EFTUD2: variants seen among roughly 807,000 people sequenced by gnomAD.
The protein encoded by EFTUD2 is elongation factor Tu GTP binding domain containing 2.
EFTUD2 carries 9 observed loss-of-function variants against 114.3 expected under a neutral mutation model. The ratio of observed to expected loss-of-function variants is 0.08; its 90% confidence interval spans 0.05 to 0.14. The LOEUF (loss-of-function observed/expected upper bound fraction) is 0.14, where lower values mean the gene tolerates loss of function less well. Among genes scored for constraint, EFTUD2 ranks in the 10% least tolerant of loss-of-function variants. The pLI is 1.00. For missense variants in EFTUD2, 765 were observed against 1,241.2 expected (o/e 0.62, Z 5.76); for synonymous variants, 449 against 462.3 (o/e 0.97, Z 0.37).
chr17:44,867,942 T>C, intron 12 of EFTUD2, 45 bp from the exon 13 acceptor site: 4 of 1,510,726 alleles, frequency 2.6e-6, no homozygotes, highest in Non-Finnish European at 3.6e-6. Flanking sequence ...GAAAAGGCAC[T>C]ATCACTGATC....
chr17:44,860,593 TA>T, intron 16 of EFTUD2, 50 bp from the exon 17 acceptor site: 4 of 955,024 alleles, frequency 4.2e-6, no homozygotes, highest in Non-Finnish European at 6.4e-6. Flanking sequence ...GAGCATTCCC[TA>T]ATTTTTTTTT....
At chr17:44,859,475 A>G (rs772821886) in intron 18 of EFTUD2, 2 of 521,564 alleles carry the variant, frequency 3.8e-6, no homozygotes, top group Non-Finnish European at 6.9e-6. Context: ...CTAGCCCTTT[A>G]GCCCTCCTGG....
chr17:44,880,683 C>A, intron 7 of EFTUD2, 39 bp from the exon 8 acceptor site: 1 of 1,537,524 alleles, frequency 6.5e-7, no homozygotes. Context: ...TCTTCCTATG[C>A]AAGAGGGGTT....
chr17:44,860,360 C>T (rs2050633367), intron 17 of EFTUD2, 72 bp downstream of exon 17: 4 of 1,067,490 alleles, frequency 3.7e-6, no homozygotes, highest in African/African-American at 3.1e-5. Flanking sequence ...GGATTAGTCC[C>T]GTTTGTGCTC....
rs2050940594 is a variant in EFTUD2, at chr17:44,875,967, C to T, written c.836G>A (p.Arg279His). Residue 279 changes from arginine to histidine, a missense_variant, in exon 10 of 28, where the codon CGC becomes CAC. This residue lies in a region of EFTUD2 where 251 missense variants were observed against 357.7 expected (regional missense o/e 0.70). Coordinates refer to ENST00000426333, the MANE Select transcript of EFTUD2 (RefSeq NM_004247.4). Reference protein sequence around the residue: ...LPPTDAYYKLRHIVDEVNGLI... With the variant: ...LPPTDAYYKLHHIVDEVNGLI... Reference sequence around the variant, plus strand: ...TCCATTGACCTCATCCACAATGTGGCGCAGCTTGTAATAAGCATCAGTTGG... The same window carrying T: ...TCCATTGACCTCATCCACAATGTGGTGCAGCTTGTAATAAGCATCAGTTGG... 1 of 1,613,888 alleles carries T rather than the reference C, an allele frequency of 6.2e-7. No homozygotes were observed. The highest frequency in any genetic ancestry group is 8.5e-7 in the Non-Finnish European group (1 of 1,180,030).
intron 1 of EFTUD2, among the ~76,000 whole-genome samples, chr17:44,897,098 C>A (rs2051400824): frequency 6.6e-6 from 1 of 151,752 alleles, no homozygotes. Context: ...CGCCCGTAGT[C>A]CCAGCTACTG....
chr17:44,853,239 G>A, intron 25 of EFTUD2, 57 bp downstream of exon 25: 1 of 1,561,044 alleles, frequency 6.4e-7, no homozygotes, highest in Non-Finnish European at 8.8e-7. Flanking sequence ...GAGCCGAGGT[G>A]ACTCTTGTTC....
At chr17:44,897,093 G>A (rs963679918) in intron 1 of EFTUD2, among the ~76,000 whole-genome samples, 18 of 151,840 alleles carry the variant, frequency 1.2e-4, no homozygotes, top group African/African-American at 4.1e-4. Flanking sequence ...GTGGGCGCCC[G>A]TAGTCCCAGC....
chr17:44,899,264 C>T (rs2145599159), intron 1 of EFTUD2, 105 bp downstream of exon 1: 1 of 152,338 alleles, frequency 6.6e-6, no homozygotes, highest in Middle Eastern at 3.4e-3. Flanking sequence ...ATCCGTAAAG[C>T]GAAAGGGGCC....
rs1453017675 is a variant in EFTUD2 at position 44,853,652 on chromosome 17, G to A, written c.2348-17C>T. On this transcript the variant is annotated splice_polypyrimidine_tract_variant and intron_variant, in intron 23 of 27. Coordinates refer to ENST00000426333, the MANE Select transcript of EFTUD2 (RefSeq NM_004247.4). ...TCCGAATCACTGTAAAGGAGGTGGA[G>A]GGAGTGACTGGGGAGAGGTTCTGGG... 5 of 1,612,900 alleles carry A rather than the reference G, an allele frequency of 3.1e-6. No individual in the cohort carries two copies. In the African/African-American group the frequency reaches 5.3e-5, roughly 17 times the overall value.
intron 2 of EFTUD2, among the ~76,000 whole-genome samples, chr17:44,890,212 G>A (rs991032059): frequency 1.3e-5 from 2 of 151,328 alleles, no homozygotes; most frequent in Admixed American, 1.3e-4. Flanking sequence ...TAGAGACAGG[G>A]TTTCATCACG....
intron 8 of EFTUD2, 149 bp from the exon 9 acceptor site, chr17:44,879,787 C>T (rs959303781): frequency 4.1e-6 from 3 of 729,174 alleles, no homozygotes. Flanking sequence ...GTAAAAATAT[C>T]CCCCATTAGT....
chr17:44,886,570 G>GTCCTCCTGATGTACC lies in EFTUD2; in HGVS notation c.271_271+14dup. Reference sequence around the variant, plus strand: ...TTCAATTTCACTCCGCACAGCCCATGTCCTCCTGATGTACCTGTGAGAGGC... The same window carrying GTCCTCCTGATGTACC: ...TTCAATTTCACTCCGCACAGCCCATGTCCTCCTGATGTACCTCCTCCTGATGTACCTGTGAGAGGC... On this transcript the variant is annotated intron_variant, in intron 3 of 27. Coordinates refer to ENST00000426333, the MANE Select transcript of EFTUD2 (RefSeq NM_004247.4). 1 of 1,614,030 alleles carries GTCCTCCTGATGTACC rather than the reference G, an allele frequency of 6.2e-7. No homozygotes were observed.
At chr17:44,862,435 AAAAC>A (rs2050674815) in intron 16 of EFTUD2, among the ~76,000 whole-genome samples, 1 of 152,090 alleles carries the variant, frequency 6.6e-6, no homozygotes, top group Non-Finnish European at 1.5e-5. Context: ...ACCCTGTCTC[AAAAC>A]AAACAAATAG....
At chr17:44,882,192 C>T (rs986143150) in intron 6 of EFTUD2, among the ~76,000 whole-genome samples, 1 of 152,126 alleles carries the variant, frequency 6.6e-6, no homozygotes, top group Non-Finnish European at 1.5e-5. Flanking sequence ...GCTCAGCCTC[C>T]CAAAGTGCTG....
chr17:44,860,311 A>T, intron 17 of EFTUD2, 121 bp downstream of exon 17: 1 of 807,246 alleles, frequency 1.2e-6, no homozygotes, highest in Non-Finnish European at 2.1e-6. Context: ...GGTCATATCT[A>T]GAAGGCTAAG....
rs1251873670 is a variant in EFTUD2, at chr17:44,851,234, G to T, written c.*40C>A. 3 of 1,526,100 alleles carry T rather than the reference G, an allele frequency of 2.0e-6. No homozygotes were observed. Among genetic ancestry groups the T allele is most frequent in the East Asian group, 2.3e-5 (1 of 44,406 alleles). 94.5% of individuals were successfully genotyped at this position (1,526,100 alleles called of 1,614,324 possible). A position where few individuals can be genotyped will look rare whatever the true frequency, so the allele number is the denominator to read the frequency against. On this transcript the variant is annotated 3_prime_UTR_variant, in exon 28 of 28. Coordinates refer to ENST00000426333, the MANE Select transcript of EFTUD2 (RefSeq NM_004247.4). ...CTCAGCTTCAAGTACAGGAGTTGCA[G>T]CCCACTGTAGGGAGCAGGAGCTCCC...
rs1018159032 is a variant in EFTUD2, at chr17:44,890,239, C to T, written c.106-3489G>A. Among the ~76,000 whole-genome samples the T allele has an allele frequency of 4.0e-5, 6 of 151,438 alleles. No homozygotes were observed. In the East Asian group the frequency reaches 7.9e-4, roughly 20 times the overall value. Reference sequence around the variant, plus strand: ...TTCATCACGTTGGCCAGACTGGTCTCGAACTCTTGACCTCAGGTCATCTGC... The same window carrying T: ...TTCATCACGTTGGCCAGACTGGTCTTGAACTCTTGACCTCAGGTCATCTGC... On this transcript the variant is annotated intron_variant, in intron 2 of 27. Coordinates refer to ENST00000426333, the MANE Select transcript of EFTUD2 (RefSeq NM_004247.4).
At chr17:44,899,279 G>C (rs1476621252) in intron 1 of EFTUD2, 90 bp downstream of exon 1, 1 of 152,236 alleles carries the variant, frequency 6.6e-6, no homozygotes, top group Non-Finnish European at 1.5e-5. Context: ...GGGGCCAATA[G>C]CATATAAGGC....
Sources: allele counts gnomAD v4.1 joint callset (sites outside exome capture counted in the v4.1 genomes callset), GRCh38; gene constraint gnomAD v4.1.1; regional missense constraint gnomAD v4.1.1; transcripts MANE v1.5; gene names NCBI Gene and HGNC (gene_info 2026-07-23, HGNC 2026-07-21).